Variants in RBMS2 observed in about 807,000 individuals in gnomAD.
RBMS2 encodes the protein RNA binding motif single stranded interacting protein 2.
A neutral mutation model predicts 58.4 loss-of-function variants in RBMS2; 38 were observed. That is an observed-to-expected ratio of 0.65 (90% CI 0.50 to 0.85). RBMS2 has a LOEUF of 0.85. Among genes scored for constraint, RBMS2 ranks in the 40% least tolerant of loss-of-function variants. RBMS2 has a pLI of 0.00. For missense variants in RBMS2, 367 were observed against 503.7 expected (o/e 0.73, Z 2.60); for synonymous variants, 151 against 180.7 (o/e 0.84, Z 1.32).
chr12:56,584,734 G>A (rs1363148197), intron 9 of RBMS2, among the ~76,000 whole-genome samples: 2 of 151,816 alleles, frequency 1.3e-5, no homozygotes, highest in East Asian at 1.9e-4. Flanking sequence ...GCAGTAAGCC[G>A]AGATCGCGCC....
chr12:56,549,518 A>G (rs564913346), intron 1 of RBMS2, among the ~76,000 whole-genome samples: 19 of 152,280 alleles, frequency 1.2e-4, no homozygotes, highest in African/African-American at 4.1e-4. Context: ...GACAGGAAAC[A>G]TGAAGTTTCT....
rs1428322853 is a variant in RBMS2 at position 56,588,347 on chromosome 12, T to C, written c.1116T>C (p.Pro372=). Residue 372 remains proline (P), a synonymous_variant, in exon 12 of 14, where the codon CCT becomes CCC. Transcript: ENST00000262031. ...GAGCTTACATCTCCCAGTACACCCC[T>C]GTGCCTTCTTCCAGTGTTTCAGTCG... is the stretch of plus-strand genomic sequence containing the variant. ...MQGAYISQYT[P]VPSSSVSVEE... The C allele has an allele frequency of 1.2e-6, 2 of 1,613,708 alleles. No homozygotes were observed. The highest frequency in any genetic ancestry group is 1.7e-6 in the Non-Finnish European group (2 of 1,179,670).
chr12:56,527,311 T>C (rs1473051915), intron 1 of RBMS2, among the ~76,000 whole-genome samples: 1 of 152,178 alleles, frequency 6.6e-6, no homozygotes, highest in Non-Finnish European at 1.5e-5. Context: ...TTAACTCAAA[T>C]GGTTAAAGTT....
intron 1 of RBMS2, among the ~76,000 whole-genome samples, chr12:56,530,518 A>G (rs891141584): frequency 6.6e-6 from 1 of 151,622 alleles, no homozygotes; most frequent in Admixed American, 6.6e-5. Flanking sequence ...ACGCCATCAC[A>G]CTTGGCTAAT....
At chr12:56,553,771 GTC>G (rs1239419248) in intron 1 of RBMS2, among the ~76,000 whole-genome samples, 1 of 151,462 alleles carries the variant, frequency 6.6e-6, no homozygotes, top group Non-Finnish European at 1.5e-5. Flanking sequence ...CTGACGAAGA[GTC>G]TGTAAAAATT....
rs1885376202 is a variant in RBMS2, at chr12:56,592,563, T to G, written c.*3430T>G. 1.3e-5 allele frequency: 2 copies of G among 152,326 alleles called. No individual in the cohort carries two copies. Among genetic ancestry groups the G allele is most frequent in the Non-Finnish European group, 2.9e-5 (2 of 68,152 alleles). The allele number at this position is 152,326 out of a possible 1,614,324, so 9.4% of individuals were successfully genotyped here. A position where few individuals can be genotyped will look rare whatever the true frequency, so the allele number is the denominator to read the frequency against. On this transcript the variant is annotated 3_prime_UTR_variant, in exon 14 of 14. Coordinates refer to ENST00000262031, the MANE Select transcript of RBMS2 (RefSeq NM_002898.4). ...TCTTGCTCTGTCGCCCAGGCTGGAG[T>G]GCAATGGCACGATCTCGGCTCACTG...
At chr12:56,531,894 C>G (rs1873808075) in intron 1 of RBMS2, among the ~76,000 whole-genome samples, 1 of 151,340 alleles carries the variant, frequency 6.6e-6, no homozygotes, top group African/African-American at 2.4e-5. Context: ...CACATATCAG[C>G]CTGTATATTG....
intron 1 of RBMS2, among the ~76,000 whole-genome samples, chr12:56,525,514 C>A (rs1048524614): frequency 6.6e-6 from 1 of 151,474 alleles, no homozygotes; most frequent in Non-Finnish European, 1.5e-5. Flanking sequence ...GAGCCACTGT[C>A]TGGCCCATTT....
Position 56,589,679 on chromosome 12 carries a change from A to C in RBMS2, c.*546A>C, listed in dbSNP as rs1885165933. ...TTTAAAAAGTATGCAGGCTCTAAAA[A>C]TGTTATTTTGTAAAGCTCTCAGCTC... On this transcript the variant is annotated 3_prime_UTR_variant, in exon 14 of 14. Coordinates refer to ENST00000262031, the MANE Select transcript of RBMS2 (RefSeq NM_002898.4). 6.5e-6 allele frequency: 1 copy of C among 154,766 alleles called. No homozygotes were observed. Among genetic ancestry groups the C allele is most frequent in the Admixed American group, 6.5e-5 (1 of 15,500 alleles). 9.6% of individuals were successfully genotyped at this position (154,766 alleles called of 1,614,324 possible).
At chr12:56,586,147 T>A (rs1421208922) in intron 9 of RBMS2, among the ~76,000 whole-genome samples, 1 of 152,032 alleles carries the variant, frequency 6.6e-6, no homozygotes, top group Non-Finnish European at 1.5e-5. Flanking sequence ...GCTAACACGG[T>A]GAAACCCTGT....
At chr12:56,562,631 G>A in intron 2 of RBMS2, 48 bp downstream of exon 2, 1 of 1,566,298 alleles carries the variant, frequency 6.4e-7, no homozygotes, top group Non-Finnish European at 8.8e-7. Flanking sequence ...GTATAGATTT[G>A]GTTTTGAGAC....
intron 1 of RBMS2, among the ~76,000 whole-genome samples, chr12:56,552,017 G>A (rs1878356851): frequency 6.6e-6 from 1 of 152,226 alleles, no homozygotes; most frequent in Non-Finnish European, 1.5e-5. Context: ...GAACCCAGGA[G>A]GTAGAGGTTG....
chr12:56,587,021 T>G (rs1884764190), intron 10 of RBMS2, 95 bp downstream of exon 10: 14 of 1,283,444 alleles, frequency 1.1e-5, no homozygotes, highest in Non-Finnish European at 1.6e-5. Flanking sequence ...ATCCCAGCAC[T>G]TTGGGAGGCC....
At chr12:56,563,958 G>A (rs1880884229) in intron 2 of RBMS2, among the ~76,000 whole-genome samples, 1 of 151,996 alleles carries the variant, frequency 6.6e-6, no homozygotes, top group Non-Finnish European at 1.5e-5. Context: ...TACTAATATA[G>A]GTCCTTGATT....
rs973645529 is a variant in RBMS2 at position 56,521,851 on chromosome 12, CT to C, written c.-171del. ...AGCTCATTCTCTGCCCGCAGCCCCC[CT>C]TCATCTCTCTCCTCCTGCTCCTTTT... On this transcript the variant is annotated 5_prime_UTR_variant, in exon 1 of 14. Transcript: ENST00000262031. The C allele has an allele frequency of 8.0e-5, 42 of 524,956 alleles. No homozygotes were observed. Among genetic ancestry groups the C allele is most frequent in the Non-Finnish European group, 1.2e-4 (37 of 301,074 alleles). The allele number at this position is 524,956 out of a possible 1,614,324, so 32.5% of individuals were successfully genotyped here.
intron 1 of RBMS2, among the ~76,000 whole-genome samples, chr12:56,551,072 C>T (rs534324335): frequency 6.3e-5 from 9 of 141,856 alleles, no homozygotes; most frequent in East Asian, 2.2e-4. Flanking sequence ...GAGCTATGAT[C>T]GCGCACCACT....
intron 1 of RBMS2, among the ~76,000 whole-genome samples, chr12:56,547,431 A>G (rs1877445844): frequency 6.6e-6 from 1 of 152,020 alleles, no homozygotes; most frequent in Admixed American, 6.6e-5. Context: ...GCACTTTGGG[A>G]GGCCAAAGTA....
chr12:56,586,799 C>T, intron 9 of RBMS2, 50 bp from the exon 10 acceptor site: 1 of 1,460,870 alleles, frequency 6.8e-7, no homozygotes, highest in African/African-American at 1.4e-5. Flanking sequence ...GATCTGTGGG[C>T]TGAATAATAG....
rs1172888315 is a variant in RBMS2 at position 56,594,478 on chromosome 12, C to T, written c.*5345C>T. On this transcript the variant is annotated 3_prime_UTR_variant, in exon 14 of 14. Coordinates refer to ENST00000262031, the MANE Select transcript of RBMS2 (RefSeq NM_002898.4). ...TAAAGGGTAAATTCCAAATCTTGTG[C>T]CTTGTTATACCAATCCTTCCTGATT... 1 of 152,220 alleles carries T rather than the reference C, an allele frequency of 6.6e-6. No homozygotes were observed. Among genetic ancestry groups the T allele is most frequent in the African/African-American group, 2.4e-5 (1 of 41,458 alleles). The allele number at this position is 152,220 out of a possible 1,614,324, so 9.4% of individuals were successfully genotyped here.
Sources: allele counts gnomAD v4.1 joint callset (sites outside exome capture counted in the v4.1 genomes callset), GRCh38; gene constraint gnomAD v4.1.1; transcripts MANE v1.5; gene names NCBI Gene and HGNC (gene_info 2026-07-23, HGNC 2026-07-21).